The following PRPSAP2 variants were observed in gnomAD, a reference collection of about 807,000 sequenced individuals.
PRPSAP2 encodes the protein phosphoribosyl pyrophosphate synthase-associated protein 2.
PRPSAP2 carries 24 observed loss-of-function variants against 40.6 expected under a neutral mutation model. The ratio of observed to expected loss-of-function variants is 0.59; its 90% CI spans 0.43 to 0.83. The LOEUF is 0.83. PRPSAP2 is among the 40% of genes least tolerant of loss of function. The pLI, the probability that PRPSAP2 is intolerant of heterozygous loss-of-function variation, is 0.00. For missense variants in PRPSAP2, 292 were observed against 465.6 expected (o/e 0.63, Z 3.43); for synonymous variants, 149 against 164.7 (o/e 0.90, Z 0.73).
chr17:18,924,841 T>TG (rs1768987910), intron 10 of PRPSAP2, among the ~76,000 whole-genome samples: 1 of 151,154 alleles, frequency 6.6e-6, no homozygotes, highest in Admixed American at 6.6e-5. Flanking sequence ...AAGTACAAGC[T>TG]GGGCACAGTG....
chr17:18,924,768 CAA>C (rs869181375), intron 10 of PRPSAP2, among the ~76,000 whole-genome samples: 10,565 of 84,558 alleles, frequency 0.12, 444 homozygotes, highest in Middle Eastern at 0.19. Context: ...GGCTGTGTCT[CAA>C]AAAAAAAAAA....
At chr17:18,885,211 G>A (rs909084447) in intron 7 of PRPSAP2, among the ~76,000 whole-genome samples, 7 of 151,750 alleles carry the variant, frequency 4.6e-5, no homozygotes, top group African/African-American at 1.5e-4. Context: ...GACCATCCTC[G>A]GCAATATGGC....
chr17:18,861,883 TTTTGTTTG>T (rs138555657), intron 1 of PRPSAP2, among the ~76,000 whole-genome samples: 1 of 150,858 alleles, frequency 6.6e-6, no homozygotes, highest in Admixed American at 6.6e-5. Context: ...CAGCATGTTC[TTTTGTTTG>T]TTTGTTTGTT....
At chr17:18,919,320 A>G (rs747632420) in intron 9 of PRPSAP2, among the ~76,000 whole-genome samples, 1 of 152,206 alleles carries the variant, frequency 6.6e-6, no homozygotes, top group Non-Finnish European at 1.5e-5. Context: ...CAAACTGACC[A>G]AGATGGCGAA....
At chr17:18,886,571 G>A (rs1035650066) in intron 7 of PRPSAP2, among the ~76,000 whole-genome samples, 3 of 151,866 alleles carry the variant, frequency 2.0e-5, no homozygotes, top group Non-Finnish European at 2.9e-5. Context: ...TGTTAACCAG[G>A]ATGGTCTCAA....
Position 18,924,040 on chromosome 17 carries a change from TTG to T in PRPSAP2, c.804+57_804+58del. 1.4e-5 allele frequency: 20 copies of T among 1,460,184 alleles called. No homozygotes were observed. The Middle Eastern group carries it at 3.1e-3, about 230-fold the overall frequency. 90.5% of individuals were successfully genotyped at this position (1,460,184 alleles called of 1,614,324 possible). A position where few individuals can be genotyped will look rare whatever the true frequency, so the allele number is the denominator to read the frequency against. ...GTATTTGCCATTGTTATTCTGTTGA[TTG>T]ATTGATTGATTGATTTTATTACAGA... is the stretch of plus-strand genomic sequence containing the variant. On this transcript the variant is annotated intron_variant, in intron 10 of 11. Coordinates refer to ENST00000268835, the MANE Select transcript of PRPSAP2 (RefSeq NM_002767.4).
chr17:18,875,582 G>T (rs531863284), intron 5 of PRPSAP2, among the ~76,000 whole-genome samples: 1 of 151,226 alleles, frequency 6.6e-6, no homozygotes, highest in East Asian at 2.0e-4. Flanking sequence ...AAAAAAAAAA[G>T]GCTGGGCGAG....
chr17:18,898,581 C>A (rs1159644419), intron 8 of PRPSAP2, among the ~76,000 whole-genome samples: 1 of 152,192 alleles, frequency 6.6e-6, no homozygotes, highest in Non-Finnish European at 1.5e-5. Context: ...CGGTTCTTTT[C>A]TCTCAGCACC....
intron 4 of PRPSAP2, among the ~76,000 whole-genome samples, chr17:18,870,629 C>A (rs2037786896): frequency 6.6e-6 from 1 of 151,818 alleles, no homozygotes; most frequent in Non-Finnish European, 1.5e-5. Flanking sequence ...GGCAACATGG[C>A]AAAACCCCAT....
At chr17:18,874,518 C>G (rs893260996) in intron 5 of PRPSAP2, among the ~76,000 whole-genome samples, 4 of 152,202 alleles carry the variant, frequency 2.6e-5, no homozygotes, top group Non-Finnish European at 5.9e-5. Context: ...AGTCACAAAA[C>G]CCCCATCTCT....
At chr17:18,921,060 G>A (rs192743243) in intron 9 of PRPSAP2, among the ~76,000 whole-genome samples, 5 of 152,024 alleles carry the variant, frequency 3.3e-5, no homozygotes, top group African/African-American at 9.6e-5. Flanking sequence ...TGACAATCAC[G>A]GCTCACTGCA....
At chr17:18,926,267 A>C (rs1014962198) in intron 10 of PRPSAP2, among the ~76,000 whole-genome samples, 4 of 131,990 alleles carry the variant, frequency 3.0e-5, no homozygotes, top group Non-Finnish European at 6.9e-5. Flanking sequence ...TTATTTATTT[A>C]TTTCTATTTT....
intron 9 of PRPSAP2, among the ~76,000 whole-genome samples, chr17:18,916,624 C>T (rs979985103): frequency 6.6e-6 from 1 of 151,920 alleles, no homozygotes; most frequent in Non-Finnish European, 1.5e-5. Flanking sequence ...TCAGGTGATC[C>T]GTCCACCTCA....
chr17:18,884,858 T>C (rs1463886686), intron 7 of PRPSAP2, among the ~76,000 whole-genome samples: 1 of 152,164 alleles, frequency 6.6e-6, no homozygotes, highest in African/African-American at 2.4e-5. Context: ...GACATCTTGT[T>C]GTTTTAGGGG....
intron 1 of PRPSAP2, chr17:18,859,673 C>G (rs958989526): frequency 2.0e-5 from 3 of 152,214 alleles, no homozygotes; most frequent in African/African-American, 7.2e-5. Flanking sequence ...CCTTCAAATT[C>G]TCATCAATAT....
At chr17:18,876,455 C>T (rs543320943) in intron 5 of PRPSAP2, among the ~76,000 whole-genome samples, 1 of 152,288 alleles carries the variant, frequency 6.6e-6, no homozygotes, top group Admixed American at 6.5e-5. Context: ...AGAACCTACT[C>T]ACCTGAATGT....
At position 18,926,777 on chromosome 17, in the gene PRPSAP2, AGTGT is replaced by A. The variant is rs71155377; in HGVS notation, c.805-2011_805-2008del. 1.8e-3 allele frequency among the ~76,000 whole-genome samples: 269 copies of A among 148,320 alleles called. 1 individual carries two copies. Among genetic ancestry groups the A allele is most frequent in the African/African-American group, 4.4e-3 (176 of 40,442 alleles). On this transcript the variant is annotated intron_variant, in intron 10 of 11. Transcript: ENST00000268835. ...ACCAGTTGTGCATGTAGTGAGTGTG[AGTGT>A]GTGTGTGTGTGTGTGTGTGTGTTTG... is the stretch of plus-strand genomic sequence containing the variant.
Position 18,930,770 on chromosome 17 carries a change from A to C in PRPSAP2, c.*72A>C. On this transcript the variant is annotated 3_prime_UTR_variant, in exon 12 of 12. Coordinates refer to ENST00000268835, the MANE Select transcript of PRPSAP2 (RefSeq NM_002767.4). ...GTGACTGCTCGGTGGGATGGATTTC[A>C]CAGGAACCGTCATGCTTGTTCCTCC... 7.3e-7 allele frequency: 1 copy of C among 1,379,146 alleles called. No individual in the cohort carries two copies. The allele number at this position is 1,379,146 out of a possible 1,614,324, so 85.4% of individuals were successfully genotyped here.
chr17:18,895,771 G>T (rs1597648941), intron 8 of PRPSAP2, among the ~76,000 whole-genome samples: 1 of 152,004 alleles, frequency 6.6e-6, no homozygotes, highest in South Asian at 2.1e-4. Flanking sequence ...GATTACAGGT[G>T]TGTGCCACCA....
Sources: allele counts gnomAD v4.1 joint callset (sites outside exome capture counted in the v4.1 genomes callset), GRCh38; gene constraint gnomAD v4.1.1; transcripts MANE v1.5; gene names NCBI Gene and HGNC (gene_info 2026-07-23, HGNC 2026-07-21).